The following ANKRD28 variants were observed in gnomAD, a reference collection of about 807,000 sequenced individuals.
The protein encoded by ANKRD28 is ankyrin repeat domain 28, also known as serine/threonine-protein phosphatase 6 regulatory ankyrin repeat subunit A.
In ANKRD28, 44 loss-of-function variants were observed where a neutral mutation model predicts 126.5. The ratio of observed to expected loss-of-function variants is 0.35; its 90% CI spans 0.27 to 0.45. The LOEUF (loss-of-function observed/expected upper bound fraction) is 0.45, where lower values mean the gene tolerates loss of function less well. Among genes scored for constraint, ANKRD28 ranks in the 20% least tolerant of loss-of-function variants. The pLI, the probability that ANKRD28 is intolerant of heterozygous loss-of-function variation, is 1.00. For synonymous variants in ANKRD28, 442 were observed against 468.5 expected (o/e 0.94, Z 0.73); for missense variants, 1,110 against 1,316.6 (o/e 0.84, Z 2.43).
At chr3:15,753,205 C>A (rs2057963727) in intron 3 of ANKRD28, among the ~76,000 whole-genome samples, 2 of 152,162 alleles carry the variant, frequency 1.3e-5, no homozygotes, top group Non-Finnish European at 2.9e-5. Context: ...ATGACATACC[C>A]ATGTAATAAA....
Position 15,670,445 on chromosome 3 carries a change from G to A in ANKRD28, c.3077C>T (p.Thr1026Ile). The A allele has an allele frequency of 6.2e-7, 1 of 1,613,986 alleles. No individual in the cohort carries two copies. The highest frequency in any genetic ancestry group is 8.5e-7 in the Non-Finnish European group (1 of 1,179,880). ...VSSSSPLSSL[T>I]FNAINRYTNT... ...GGTATAACGGTTAATGGCATTGAAT[G>A]TTAAGGATGATAAAGGACTACTTGA... is the stretch of plus-strand genomic sequence containing the variant. The change falls in exon 28 of 28, where the codon ACA (threonine) becomes ATA (isoleucine). Residue 1026 changes from threonine (T) to isoleucine (I), a missense_variant. By Grantham distance (89) the Thr-to-Ile change is moderately conservative. Transcript: ENST00000683139.
rs1559489023 is a variant in ANKRD28, at chr3:15,762,205, A to AC, written c.280+4028_280+4029insG. ...TATGTCTTTAAAAAAAAAAAAAAAA[A>AC]AAAAAAAACAAAACAAAAAAAAAAA... is the stretch of plus-strand genomic sequence containing the variant. On this transcript the variant is annotated intron_variant, in intron 3 of 27. Coordinates refer to ENST00000683139, the MANE Select transcript of ANKRD28 (RefSeq NM_001349278.2). Among the ~76,000 whole-genome samples, 32 of 31,396 alleles carry AC rather than the reference A, an allele frequency of 1.0e-3. 1 individual carries two copies. The highest frequency in any genetic ancestry group is 0.021 in the Middle Eastern group (1 of 48). The allele number at this position is 31,396 out of a possible 152,430, so 20.6% of individuals were successfully genotyped here. A position where few individuals can be genotyped will look rare whatever the true frequency, so the allele number is the denominator to read the frequency against.
At chr3:15,726,383 A>G (rs1575408177) in intron 6 of ANKRD28, among the ~76,000 whole-genome samples, 1 of 152,242 alleles carries the variant, frequency 6.6e-6, no homozygotes, top group East Asian at 1.9e-4. Context: ...TAATGATAAG[A>G]AAGATAAGTG....
At chr3:15,847,717 C>T (rs1340493389) in intron 1 of ANKRD28, among the ~76,000 whole-genome samples, 1 of 152,218 alleles carries the variant, frequency 6.6e-6, no homozygotes, top group Admixed American at 6.5e-5. Context: ...GAATCCATCC[C>T]TTTTGCCAGT....
intron 14 of ANKRD28, among the ~76,000 whole-genome samples, chr3:15,701,684 A>G (rs1007099782): frequency 1.3e-5 from 2 of 151,988 alleles, no homozygotes; most frequent in African/African-American, 4.8e-5. Context: ...AAAAGGTTAA[A>G]GTGGGTATCA....
chr3:15,824,981 G>C (rs1398796833), intron 1 of ANKRD28, among the ~76,000 whole-genome samples: 1 of 152,208 alleles, frequency 6.6e-6, no homozygotes, highest in Non-Finnish European at 1.5e-5. Context: ...TATTGGGGGT[G>C]AGGGGTAGTA....
intron 6 of ANKRD28, among the ~76,000 whole-genome samples, chr3:15,726,720 C>T (rs1254410098): frequency 2.0e-5 from 3 of 152,238 alleles, no homozygotes; most frequent in Admixed American, 2.0e-4. Flanking sequence ...ATTTTCAATG[C>T]AGATGAAACG....
At chr3:15,727,635 T>G (rs1022323015) in intron 6 of ANKRD28, among the ~76,000 whole-genome samples, 1 of 142,674 alleles carries the variant, frequency 7.0e-6, no homozygotes, top group African/African-American at 2.7e-5. Flanking sequence ...GAGGTCAAAG[T>G]ATTATTATTA....
chr3:15,690,407 T>A (rs2068636489), intron 17 of ANKRD28, among the ~76,000 whole-genome samples, 187 bp from the exon 18 acceptor site: 1 of 152,212 alleles, frequency 6.6e-6, no homozygotes, highest in Non-Finnish European at 1.5e-5. Flanking sequence ...AGTAGGCTAC[T>A]GTGTTAGGGA....
intron 9 of ANKRD28, 32 bp downstream of exon 9, chr3:15,714,546 A>AAC (rs774734166): frequency 1.3e-5 from 20 of 1,504,804 alleles, no homozygotes; most frequent in East Asian, 9.3e-5. Context: ...AAAAAAAAAA[A>AAC]ACCCCAAAAA....
At chr3:15,772,223 C>A (rs1575617543) in intron 2 of ANKRD28, among the ~76,000 whole-genome samples, 1 of 151,662 alleles carries the variant, frequency 6.6e-6, no homozygotes, top group African/African-American at 2.4e-5. Flanking sequence ...AAGATGAAAA[C>A]AAAACAAAAA....
At chr3:15,784,285 T>C (rs2125715541) in intron 2 of ANKRD28, among the ~76,000 whole-genome samples, 1 of 152,094 alleles carries the variant, frequency 6.6e-6, no homozygotes, top group East Asian at 1.9e-4. Context: ...TTCAAAATAA[T>C]GGCAGCAATA....
At chr3:15,724,254 T>C in intron 7 of ANKRD28, 128 bp downstream of exon 7, 1 of 818,346 alleles carries the variant, frequency 1.2e-6, no homozygotes, top group Non-Finnish European at 1.8e-6. Context: ...TAAAGGACTA[T>C]AAATATCCAA....
intron 1 of ANKRD28, among the ~76,000 whole-genome samples, chr3:15,836,867 AAGG>A (rs1559586854): frequency 1.0e-4 from 5 of 49,204 alleles, no homozygotes; most frequent in Non-Finnish European, 4.5e-4. Flanking sequence ...GGCAGATCAC[AAGG>A]TCAGGAGATC....
At chr3:15,776,676 G>A (rs988593488) in intron 2 of ANKRD28, among the ~76,000 whole-genome samples, 2 of 152,140 alleles carry the variant, frequency 1.3e-5, no homozygotes, top group Non-Finnish European at 2.9e-5. Context: ...AGGTGCTAAT[G>A]ATGTTCTGTT....
chr3:15,753,367 C>T (rs1159723480), intron 3 of ANKRD28, among the ~76,000 whole-genome samples: 2 of 152,206 alleles, frequency 1.3e-5, no homozygotes, highest in Admixed American at 6.5e-5. Flanking sequence ...AAGCTGGAAC[C>T]CTACAGATAG....
intron 1 of ANKRD28, among the ~76,000 whole-genome samples, chr3:15,803,445 C>T (rs1157202450): frequency 4.0e-5 from 6 of 151,710 alleles, no homozygotes; most frequent in African/African-American, 9.7e-5. Context: ...GGTGAAACCC[C>T]GTCTCTATTA....
chr3:15,849,032 A>G (rs1449113862), intron 1 of ANKRD28, among the ~76,000 whole-genome samples: 3 of 152,230 alleles, frequency 2.0e-5, no homozygotes, highest in African/African-American at 4.8e-5. Context: ...TTGTATTTCT[A>G]TATATTACCA....
chr3:15,798,383 G>A (rs2060372294), upstream of ANKRD28, among the ~76,000 whole-genome samples: 1 of 152,042 alleles, frequency 6.6e-6, no homozygotes, highest in Admixed American at 6.6e-5. Flanking sequence ...ACCAAGATCA[G>A]TTTTAATCTG....
Sources: gnomAD v4.1 joint callset for allele counts (sites outside exome capture counted in the v4.1 genomes callset) on GRCh38, gnomAD v4.1.1 for gene constraint, MANE v1.5 for transcripts, NCBI Gene and HGNC (gene_info 2026-07-23, HGNC 2026-07-21) for gene names.